The following DLG5 variants were observed in gnomAD, a reference collection of about 807,000 sequenced individuals.
DLG5 encodes the protein discs large MAGUK scaffold protein 5.
In DLG5, 48 loss-of-function variants were observed where a neutral mutation model predicts 189.8. The ratio of observed to expected loss-of-function variants is 0.25; its 90% CI spans 0.20 to 0.32. The LOEUF is 0.32. Among genes scored for constraint, DLG5 ranks in the 10% least tolerant of loss-of-function variants. DLG5 has a pLI of 1.00. For missense variants in DLG5, 2,160 were observed against 2,544.7 expected (o/e 0.85, Z 3.25); for synonymous variants, 1,016 against 1,054.1 (o/e 0.96, Z 0.70).
chr10:77,814,858 G>C (rs775646098), intron 20 of DLG5, among the ~76,000 whole-genome samples: 1 of 151,960 alleles, frequency 6.6e-6, no homozygotes, highest in African/African-American at 2.4e-5. Flanking sequence ...CACAGCACTC[G>C]GCCTTCTTTC....
chr10:77,835,912 G>A lies in DLG5; in HGVS notation c.1448C>T (p.Thr483Met), dbSNP rs200714991. The part of the protein sequence containing the change: ...EMEALRQIKD[T>M]VTMDAGRANK... ...GGCTCTCCCAGCATCCATTGTCACC[G>A]TGTCTTTGATCTGGTGGGAGCAAGG... Residue 483 changes from threonine (T) to methionine (M), a missense_variant, in exon 8 of 32, where the codon ACG becomes ATG. Around this residue, in one of 5 missense-constraint regions of DLG5, gnomAD observed 664 missense variants for 838.5 expected, o/e 0.79. Transcript: ENST00000372391. 2.2e-5 allele frequency: 36 copies of A among 1,612,640 alleles called. No homozygotes were observed. The highest frequency in any genetic ancestry group is 6.7e-5 in the African/African-American group (5 of 74,970).
At chr10:77,876,603 A>T (rs1478363632) in intron 1 of DLG5, among the ~76,000 whole-genome samples, 2 of 150,106 alleles carry the variant, frequency 1.3e-5, no homozygotes. Flanking sequence ...CGAACTCCTG[A>T]CTTCAGGTGA....
Position 77,821,431 on chromosome 10 carries a change from CTT to C in DLG5, c.3051_3052del (p.Arg1018GlufsTer5). 6.2e-7 allele frequency: 1 copy of C among 1,612,832 alleles called. No individual in the cohort carries two copies. The highest frequency in any genetic ancestry group is 8.5e-7 in the Non-Finnish European group (1 of 1,179,992). On this transcript the variant is annotated frameshift_variant, in exon 15 of 32. Coordinates refer to ENST00000372391, the MANE Select transcript of DLG5 (RefSeq NM_004747.4). LOFTEE classifies it high-confidence loss of function. Reference sequence around the variant, plus strand: ...GTGCTGGAACTTAATGGAGTCGCTCCTTCTGGGAGGTTTTGGGGGTGTCAGAG... The same window carrying C: ...GTGCTGGAACTTAATGGAGTCGCTCCCTGGGAGGTTTTGGGGGTGTCAGAG...
rs1486123629 is a variant in DLG5 at position 77,926,376 on chromosome 10, C to T, written c.145G>A (p.Gly49Arg). ...AGCAGCAGCTCCGCCTTGGCGCCTC[C>T]CGCCTCCTCGTCCAGCTGCCGCCGC... The part of the protein sequence containing the change: ...GERRQLDEEA[G>R]GAKAELLLKL... The change falls in exon 1 of 32, where the codon GGA becomes AGA. Residue 49 changes from glycine (G) to arginine (R), a missense_variant. By Grantham distance (125) the Gly-to-Arg change is moderately radical (BLOSUM62 -2). Around this residue, in one of 5 missense-constraint regions of DLG5, gnomAD observed 664 missense variants for 838.5 expected, o/e 0.79. Transcript: ENST00000372391. This position sits in a 1 kb window ranked among gnomAD's most constrained non-coding sequence, Gnocchi z 5.2. 11 of 1,597,696 alleles carry T rather than the reference C, an allele frequency of 6.9e-6. No individual in the cohort carries two copies. Among genetic ancestry groups the T allele is most frequent in the Admixed American group, 1.7e-5 (1 of 58,018 alleles).
chr10:77,844,014 G>A (rs768843849), intron 5 of DLG5, among the ~76,000 whole-genome samples: 7 of 152,164 alleles, frequency 4.6e-5, no homozygotes, highest in African/African-American at 9.7e-5. Context: ...ACCGAATGGC[G>A]TCTAGGAACC....
chr10:77,918,938 G>A (rs181103513), intron 1 of DLG5, among the ~76,000 whole-genome samples: 13 of 152,266 alleles, frequency 8.5e-5, no homozygotes, highest in Admixed American at 3.3e-4. Flanking sequence ...GACAACGGCC[G>A]AGAGTGGTGG....
intron 5 of DLG5, 116 bp downstream of exon 5, chr10:77,853,238 G>C (rs1844067575): frequency 2.0e-6 from 2 of 995,470 alleles, no homozygotes; most frequent in Non-Finnish European, 2.7e-6. Flanking sequence ...AAAGCGCTGG[G>C]ATCACAGATG....
chr10:77,803,408 G>A lies in DLG5; in HGVS notation c.5164+2257C>T, dbSNP rs532618260. On this transcript the variant is annotated intron_variant, in intron 27 of 31. Transcript: ENST00000372391. ...TTTTAAAAAGACAGATTGCCACAGTGGATTTAAAAAGTCCCACATGCTGCT... is the reference window on the plus strand; with the variant it reads ...TTTTAAAAAGACAGATTGCCACAGTAGATTTAAAAAGTCCCACATGCTGCT... Among the ~76,000 whole-genome samples, 30 of 152,092 alleles carry A rather than the reference G, an allele frequency of 2.0e-4. 1 individual carries two copies. In the South Asian group the frequency reaches 6.0e-3, roughly 31 times the overall value.
chr10:77,816,578 G>A lies in DLG5; in HGVS notation c.3998C>T (p.Ala1333Val), dbSNP rs920117413. 16 of 1,614,024 alleles carry A rather than the reference G, an allele frequency of 9.9e-6. No individual in the cohort carries two copies. The highest frequency in any genetic ancestry group is 2.7e-5 in the African/African-American group (2 of 74,942). Residue 1333 changes from alanine to valine, a missense_variant, in exon 20 of 32, where the codon GCG becomes GTG. Transcript: ENST00000372391. The part of the protein sequence containing the change: ...STLPRIAVNP[A>V]SLGERRKDRP... Reference sequence around the variant, plus strand: ...GTCCTTTCTCCGCTCCCCGAGGGACGCGGGGTTGACAGCGATTCTGGGCAA... The same window carrying A: ...GTCCTTTCTCCGCTCCCCGAGGGACACGGGGTTGACAGCGATTCTGGGCAA...
Position 77,821,453 on chromosome 10 carries a change from T to C in DLG5, c.3031A>G (p.Thr1011Ala). The change falls in exon 15 of 32, where the codon ACA becomes GCA. Residue 1011 changes from threonine (T) to alanine (A), a missense_variant. Physicochemically the swap from Thr to Ala is moderately conservative, Grantham distance 58. Around this residue, in one of 5 missense-constraint regions of DLG5, gnomAD observed 754 missense variants for 746.5 expected, o/e 1.01. Coordinates refer to ENST00000372391, the MANE Select transcript of DLG5 (RefSeq NM_004747.4). The part of the protein sequence containing the change: ...PQPSKRAGPL[T>A]PPKPPRRSDS... ...CTCCTTCTGGGAGGTTTTGGGGGTG[T>C]CAGAGGCCCCGCCCTCTTGGAGGGC... is the stretch of plus-strand genomic sequence containing the variant. The C allele has an allele frequency of 6.2e-7, 1 of 1,612,476 alleles. No individual in the cohort carries two copies. The highest frequency in any genetic ancestry group is 1.1e-5 in the South Asian group (1 of 91,042).
chr10:77,803,949 G>T (rs1841345950), intron 27 of DLG5, among the ~76,000 whole-genome samples: 1 of 150,466 alleles, frequency 6.6e-6, no homozygotes. Flanking sequence ...GAGTGCAGTG[G>T]CGTGATCACA....
intron 2 of DLG5, among the ~76,000 whole-genome samples, chr10:77,858,752 C>G (rs1254769983): frequency 6.6e-6 from 1 of 151,948 alleles, no homozygotes; most frequent in African/African-American, 2.4e-5. Context: ...ATATTTGTGT[C>G]TTAGTTTTTA....
chr10:77,868,335 A>C, intron 2 of DLG5: 8 of 356,870 alleles, frequency 2.2e-5, no homozygotes, highest in South Asian at 1.7e-4. Context: ...CATCTGCCTA[A>C]TTCGCCACTA....
chr10:77,912,925 G>A (rs1846264547), intron 1 of DLG5, among the ~76,000 whole-genome samples: 1 of 152,106 alleles, frequency 6.6e-6, no homozygotes, highest in African/African-American at 2.4e-5. Flanking sequence ...GTGAACTGTG[G>A]AGAACCCCAG....
intron 27 of DLG5, among the ~76,000 whole-genome samples, chr10:77,800,903 C>T (rs932041989): frequency 6.6e-6 from 1 of 152,084 alleles, no homozygotes; most frequent in Non-Finnish European, 1.5e-5. Flanking sequence ...TGGGCCACCC[C>T]CTAGGGTCAG....
intron 19 of DLG5, 148 bp from the exon 20 acceptor site, chr10:77,816,849 C>T (rs1043126358): frequency 1.5e-6 from 2 of 1,372,704 alleles, no homozygotes; most frequent in Non-Finnish European, 2.0e-6. Context: ...CTGCATTGCC[C>T]CCTACCCCCC....
At chr10:77,870,707 T>C in intron 1 of DLG5, among the ~76,000 whole-genome samples, 1 of 150,642 alleles carries the variant, frequency 6.6e-6, no homozygotes, top group African/African-American at 2.4e-5. Context: ...CAAAAAACAC[T>C]CTTCCACTGC....
intron 13 of DLG5, among the ~76,000 whole-genome samples, chr10:77,827,454 T>C (rs980829284): frequency 3.9e-5 from 6 of 152,106 alleles, no homozygotes; most frequent in African/African-American, 1.4e-4. Context: ...TCGAACTCCC[T>C]ACCTCAGGTG....
rs1246934278 is a variant in DLG5 at position 77,831,929 on chromosome 10, C to T, written c.1749-1056G>A. ...ATTTTAAAAAATGTTCACTGATGGC[C>T]GGATGCGGAGGCTCACGCCTGTAAT... On this transcript the variant is annotated intron_variant, in intron 9 of 31. Transcript: ENST00000372391. 3.3e-5 allele frequency among the ~76,000 whole-genome samples: 5 copies of T among 152,178 alleles called. 1 individual carries two copies. Among genetic ancestry groups the T allele is most frequent in the South Asian group, 4.1e-4 (2 of 4,828 alleles).
Sources: allele counts gnomAD v4.1 joint callset (sites outside exome capture counted in the v4.1 genomes callset), GRCh38; gene constraint gnomAD v4.1.1; regional missense constraint gnomAD v4.1.1; non-coding constraint Gnocchi (gnomAD v3.1); transcripts MANE v1.5; gene names NCBI Gene and HGNC (gene_info 2026-07-23, HGNC 2026-07-21).